Variants in NWD1 observed in about 807,000 individuals in gnomAD.
NWD1 encodes the protein NACHT and WD repeat domain containing 1.
Under a neutral mutation model 135.1 loss-of-function variants are expected in NWD1, and 129 were observed. The observed-to-expected ratio is 0.96, with a 90% confidence interval of 0.83 to 1.11. The LOEUF (loss-of-function observed/expected upper bound fraction) is 1.11. Among genes scored for constraint, NWD1 ranks in the 50% least tolerant of loss-of-function variants. The pLI is 0.00. For synonymous variants in NWD1, 773 were observed against 786.0 expected, an observed-to-expected ratio of 0.98 and a Z score of 0.28; for missense variants, 1,740 against 1,851.3, an observed-to-expected ratio of 0.94 and a Z score of 1.10.
At chr19:16,802,118 T>C (rs1329156793) in intron 17 of NWD1, among the ~76,000 whole-genome samples, 2 of 151,866 alleles carry the variant, frequency 1.3e-5, no homozygotes, top group East Asian at 3.9e-4. Context: ...ACCCCATCTC[T>C]ACTAAAAATA....
chr19:16,802,463 TAAA>T (rs1165843521), intron 17 of NWD1, among the ~76,000 whole-genome samples: 15 of 96,482 alleles, frequency 1.6e-4, no homozygotes, highest in African/African-American at 3.7e-4. Context: ...CTATCTCAAT[TAAA>T]AAAAAAAAAA....
rs963275835 is a variant in NWD1, at chr19:16,731,706, G to T, written c.81+428G>T. 2.6e-4 allele frequency among the ~76,000 whole-genome samples: 39 copies of T among 151,420 alleles called. 1 individual carries two copies. The highest frequency in any genetic ancestry group is 3.4e-3 in the Middle Eastern group (1 of 294). ...TGCAACCTTGGCCTCCAGGGTTCAA[G>T]CGATTCTCTCGCCTCAGCCTCCTGA... On this transcript the variant is annotated intron_variant, in intron 3 of 18. Transcript: ENST00000524140.
chr19:16,750,628 TTTTTTA>T (rs1009436283), intron 6 of NWD1, among the ~76,000 whole-genome samples: 51 of 151,156 alleles, frequency 3.4e-4, no homozygotes, highest in Middle Eastern at 6.9e-3. Flanking sequence ...AAAATATAAT[TTTTTTA>T]TTTTTATTTT....
intron 17 of NWD1, among the ~76,000 whole-genome samples, chr19:16,807,170 CAA>C (rs111687474): frequency 0.071 from 7,118 of 99,686 alleles, 227 homozygotes; most frequent in African/African-American, 0.12. Context: ...AATACTGTCT[CAA>C]AAAAAAAAAA....
At chr19:16,792,892 A>G (rs898268251) in intron 14 of NWD1, among the ~76,000 whole-genome samples, 7 of 149,654 alleles carry the variant, frequency 4.7e-5, no homozygotes, top group African/African-American at 1.7e-4. Flanking sequence ...AAAAAAAAAA[A>G]AAAGAAAGGA....
intron 4 of NWD1, among the ~76,000 whole-genome samples, chr19:16,737,867 A>C (rs1466181709): frequency 6.6e-6 from 1 of 151,888 alleles, no homozygotes; most frequent in Non-Finnish European, 1.5e-5. Context: ...TGGGAGGCTG[A>C]GGCAGGAGAA....
intron 1 of NWD1, among the ~76,000 whole-genome samples, chr19:16,722,091 C>A (rs1202779703): frequency 6.6e-6 from 1 of 151,016 alleles, no homozygotes; most frequent in Non-Finnish European, 1.5e-5. Flanking sequence ...CTAATCTGGG[C>A]AATGGAGTGA....
intron 17 of NWD1, among the ~76,000 whole-genome samples, chr19:16,802,538 C>T (rs1970633990): frequency 6.6e-6 from 1 of 150,928 alleles, no homozygotes; most frequent in Admixed American, 6.6e-5. Context: ...GACCTCTGCA[C>T]ACCCCAACCC....
chr19:16,755,300 T>G (rs1182282871), intron 6 of NWD1, among the ~76,000 whole-genome samples: 1 of 152,118 alleles, frequency 6.6e-6, no homozygotes, highest in Non-Finnish European at 1.5e-5. Context: ...GCCGCAGTCT[T>G]GACTTCTTGG....
chr19:16,759,300 T>C lies in NWD1; in HGVS notation c.1845T>C (p.Asp615=), dbSNP rs759632082. 3.1e-6 allele frequency: 5 copies of C among 1,614,126 alleles called. No individual in the cohort carries two copies. Among genetic ancestry groups the C allele is most frequent in the South Asian group, 1.1e-5 (1 of 91,092 alleles). Residue 615 remains aspartate, a synonymous_variant, in exon 7 of 19, where the codon GAT becomes GAC. Coordinates refer to ENST00000524140, the MANE Select transcript of NWD1 (RefSeq NM_001007525.5). The stretch of plus-strand genomic sequence containing the variant: ...AGGTCCTGCAGGATGTGTACCGAGA[T>C]TGGACCCCGCCCAGCAAGGAGCTGC... ...DDEVLQDVYR[D]WTPPSKELLR...
chr19:16,754,421 C>T (rs923294632), intron 6 of NWD1, among the ~76,000 whole-genome samples: 2 of 150,160 alleles, frequency 1.3e-5, no homozygotes, highest in African/African-American at 2.5e-5. Context: ...TCCGTCTATC[C>T]GCCCATCATT....
At chr19:16,731,753 C>T (rs1967579785) in intron 3 of NWD1, among the ~76,000 whole-genome samples, 1 of 151,950 alleles carries the variant, frequency 6.6e-6, no homozygotes, top group Admixed American at 6.6e-5. Context: ...TACAGGTGCC[C>T]GCCACCACGC....
Position 16,783,279 on chromosome 19 carries a change from C to G in NWD1, c.2731+3814C>G, listed in dbSNP as rs186382043. On this transcript the variant is annotated intron_variant, in intron 12 of 18. Transcript: ENST00000524140. ...TGAATTCCTGGTATCAAGCCATCCT[C>G]CCACCTCAGCCTCCTGAAGTGCTGG... is the stretch of plus-strand genomic sequence containing the variant. Among the ~76,000 whole-genome samples the G allele has an allele frequency of 4.9e-3, 746 of 152,222 alleles. 4 individuals are homozygous for G. Among genetic ancestry groups the G allele is most frequent in the African/African-American group, 0.017 (686 of 41,564 alleles).
chr19:16,733,058 T>C (rs1358580858), intron 3 of NWD1, among the ~76,000 whole-genome samples: 1 of 151,114 alleles, frequency 6.6e-6, no homozygotes, highest in Non-Finnish European at 1.5e-5. Context: ...CCCGTCTCTA[T>C]AAAATTAAAA....
At chr19:16,737,010 T>C (rs1207405794) in intron 4 of NWD1, among the ~76,000 whole-genome samples, 2 of 152,136 alleles carry the variant, frequency 1.3e-5, no homozygotes, top group African/African-American at 4.8e-5. Flanking sequence ...AATCTTGGAA[T>C]TTGATCTGGA....
At chr19:16,739,740 C>T (rs1968004077) in intron 4 of NWD1, among the ~76,000 whole-genome samples, 2 of 152,102 alleles carry the variant, frequency 1.3e-5, no homozygotes, top group South Asian at 2.1e-4. Context: ...GCACCGAGGC[C>T]GGGGACAGCT....
chr19:16,742,176 A>G (rs1417462102), intron 4 of NWD1, among the ~76,000 whole-genome samples: 1 of 152,014 alleles, frequency 6.6e-6, no homozygotes, highest in East Asian at 1.9e-4. Context: ...AGAATTCGAG[A>G]CCAGCCTGGC....
In NWD1 at chr19:16,812,821, G is replaced by A. The variant is rs139552917; in HGVS notation, c.4288-2207G>A. On this transcript the variant is annotated intron_variant, in intron 18 of 18. Transcript: ENST00000524140. The stretch of plus-strand genomic sequence containing the variant: ...TATGTGTACGTGGGCTTAAAGGATC[G>A]CTCTATACTTGTTTGGAGTGTGCTG... The A allele has an allele frequency of 1.9e-4, 147 of 781,046 alleles. 2 individuals carry two copies. The highest frequency in any genetic ancestry group is 1.3e-3 in the South Asian group (98 of 74,620). The allele number at this position is 781,046 out of a possible 1,614,324, so 48.4% of individuals were successfully genotyped here.
chr19:16,804,594 G>GTTTTTTT (rs561345788), intron 17 of NWD1, among the ~76,000 whole-genome samples: 3 of 146,182 alleles, frequency 2.1e-5, no homozygotes, highest in Non-Finnish European at 3.0e-5. Context: ...CTGTCTCTCT[G>GTTTTTTT]TTTTTTTTTT....
Sources: gnomAD v4.1 joint callset for allele counts (sites outside exome capture counted in the v4.1 genomes callset) on GRCh38, gnomAD v4.1.1 for gene constraint, MANE v1.5 for transcripts, NCBI Gene and HGNC (gene_info 2026-07-23, HGNC 2026-07-21) for gene names.